Variants in THOC1 observed in about 807,000 individuals in gnomAD.
THOC1 encodes THO complex subunit 1, also known as THO complex 1.
THOC1 carries 29 observed loss-of-function variants against 97.3 expected under a neutral mutation model. The ratio of observed to expected loss-of-function variants is 0.30; its 90% CI spans 0.22 to 0.41. The LOEUF (loss-of-function observed/expected upper bound fraction) is 0.41, where lower values mean the gene tolerates loss of function less well. Ranked by LOEUF, THOC1 falls within the 10% of genes least tolerant of loss-of-function variation. The pLI is 1.00. For missense variants in THOC1, 529 were observed against 761.9 expected (o/e 0.69, Z 3.60); for synonymous variants, 255 against 257.0 (o/e 0.99, Z 0.07).
chr18:247,282 T>G (rs1303549224), intron 10 of THOC1, among the ~76,000 whole-genome samples: 1 of 152,218 alleles, frequency 6.6e-6, no homozygotes, highest in Admixed American at 6.5e-5. Flanking sequence ...GGACAACTGA[T>G]CTTTAAGTAG....
chr18:217,033 G>C (rs1036036307), intron 18 of THOC1, among the ~76,000 whole-genome samples: 2 of 152,234 alleles, frequency 1.3e-5, no homozygotes, highest in African/African-American at 4.8e-5. Context: ...ACAATGATCA[G>C]GGTGGTATAC....
At chr18:215,063 A>G in intron 20 of THOC1, 142 bp from the exon 21 acceptor site, 5 of 742,456 alleles carry the variant, frequency 6.7e-6, no homozygotes, top group Non-Finnish European at 1.1e-5. Context: ...ATTCTCCGTA[A>G]GTTGAATACC....
chr18:236,799 C>T (rs1396862718), intron 11 of THOC1, among the ~76,000 whole-genome samples: 2 of 152,130 alleles, frequency 1.3e-5, no homozygotes, highest in Non-Finnish European at 2.9e-5. Context: ...TGCTCTTGAG[C>T]CCCAGTGAGG....
At chr18:236,350 CTTTTTTTTT>C (rs71174215) in intron 11 of THOC1, among the ~76,000 whole-genome samples, 26 of 88,380 alleles carry the variant, frequency 2.9e-4, no homozygotes, top group African/African-American at 9.5e-4. Flanking sequence ...GAATAAGATT[CTTTTTTTTT>C]TTTTTTTTTT....
chr18:258,961 G>A (rs1912518595), intron 7 of THOC1, among the ~76,000 whole-genome samples: 1 of 152,036 alleles, frequency 6.6e-6, no homozygotes, highest in Admixed American at 6.6e-5. Flanking sequence ...ACATTAATAA[G>A]CTTTGAACTT....
chr18:265,632 C>T (rs1023941546), intron 1 of THOC1, 102 bp from the exon 2 acceptor site: 2 of 922,930 alleles, frequency 2.2e-6, no homozygotes, highest in African/African-American at 1.7e-5. Context: ...CTAAAAAATG[C>T]TTATACCTGG....
chr18:258,825 A>C (rs1158941651), intron 7 of THOC1, among the ~76,000 whole-genome samples: 2 of 152,086 alleles, frequency 1.3e-5, no homozygotes, highest in African/African-American at 2.4e-5. Context: ...AAAAAAGAGA[A>C]ATGAAAGGAA....
intron 17 of THOC1, among the ~76,000 whole-genome samples, chr18:223,086 C>T (rs1472094467): frequency 6.6e-6 from 1 of 152,078 alleles, no homozygotes; most frequent in Non-Finnish European, 1.5e-5. Flanking sequence ...TGCTATTAAA[C>T]TTGCCCATTT....
chr18:245,651 G>A (rs1458282127), intron 11 of THOC1: 1 of 152,416 alleles, frequency 6.6e-6, no homozygotes, highest in Non-Finnish European at 1.5e-5. Flanking sequence ...TGCACATTTA[G>A]TCTCTGTTAC....
chr18:246,248 TAGAA>T (rs1387454416), intron 11 of THOC1, 72 bp downstream of exon 11: 3 of 1,145,864 alleles, frequency 2.6e-6, no homozygotes, highest in Admixed American at 2.8e-5. Context: ...CAGTTTAACT[TAGAA>T]AGGCTGTCAG....
At chr18:236,658 C>CG (rs1911711007) in intron 11 of THOC1, among the ~76,000 whole-genome samples, 1 of 151,968 alleles carries the variant, frequency 6.6e-6, no homozygotes, top group African/African-American at 2.4e-5. Flanking sequence ...CCACCGCGCC[C>CG]GGCGAAAGAA....
At chr18:220,715 T>A (rs1166469396) in intron 17 of THOC1, among the ~76,000 whole-genome samples, 1 of 152,230 alleles carries the variant, frequency 6.6e-6, no homozygotes, top group Non-Finnish European at 1.5e-5. Context: ...CATTTGTACA[T>A]TTTTCTACTG....
intron 17 of THOC1, among the ~76,000 whole-genome samples, chr18:222,959 G>A (rs1324626685): frequency 1.3e-5 from 2 of 149,652 alleles, no homozygotes; most frequent in East Asian, 4.2e-4. Flanking sequence ...ATGTTTGCTG[G>A]ACCTCCTCAA....
intron 11 of THOC1, among the ~76,000 whole-genome samples, chr18:229,477 C>T (rs966663717): frequency 1.7e-4 from 25 of 151,454 alleles, no homozygotes; most frequent in African/African-American, 5.1e-4. Context: ...ATCAGGAGTT[C>T]GAGACCAGCC....
intron 19 of THOC1, chr18:216,261 A>AT: frequency 2.0e-6 from 1 of 494,544 alleles, no homozygotes; most frequent in Non-Finnish European, 3.5e-6. Context: ...GCCCTGTTGA[A>AT]CTTTAAATTA....
intron 1 of THOC1, among the ~76,000 whole-genome samples, chr18:265,857 G>C (rs1354870915): frequency 6.6e-6 from 1 of 150,654 alleles, no homozygotes; most frequent in African/African-American, 2.4e-5. Context: ...TTTTAGTTTT[G>C]AAGCTTCATA....
At chr18:250,462 A>C (rs191616114) in intron 9 of THOC1, among the ~76,000 whole-genome samples, 20 of 152,364 alleles carry the variant, frequency 1.3e-4, no homozygotes, top group Admixed American at 3.9e-4. Flanking sequence ...AGACCCAGTT[A>C]CTATGTAAAA....
In THOC1 at chr18:252,925, A is replaced by C. The variant is rs202147876; in HGVS notation, c.604-313T>G. Reference sequence around the variant, plus strand: ...GGGCTAAATGTTTTGGAAATGCACAAGACAATTCAACAATAAAATGAGCAA... The same window carrying C: ...GGGCTAAATGTTTTGGAAATGCACACGACAATTCAACAATAAAATGAGCAA... On this transcript the variant is annotated intron_variant, in intron 8 of 20. Transcript: ENST00000261600. 4.4e-4 allele frequency among the ~76,000 whole-genome samples: 67 copies of C among 152,360 alleles called. 1 individual carries two copies. In the East Asian group the frequency reaches 0.011, roughly 25 times the overall value.
At chr18:224,607 A>G (rs1911212288) in intron 15 of THOC1, among the ~76,000 whole-genome samples, 2 of 151,920 alleles carry the variant, frequency 1.3e-5, no homozygotes, top group Non-Finnish European at 2.9e-5. Flanking sequence ...AAAACTTCAT[A>G]TTATGATAGA....
Sources: allele counts gnomAD v4.1 joint callset (sites outside exome capture counted in the v4.1 genomes callset), GRCh38; gene constraint gnomAD v4.1.1; transcripts MANE v1.5; gene names NCBI Gene and HGNC (gene_info 2026-07-23, HGNC 2026-07-21).